Variants in SEPTIN11 observed in about 807,000 individuals in gnomAD.
SEPTIN11 encodes septin 11, also known as septin-11.
Under a neutral mutation model 51.4 loss-of-function variants are expected in SEPTIN11, and 25 were observed. That is an observed-to-expected ratio of 0.49 (90% CI 0.35 to 0.68). SEPTIN11 has a LOEUF of 0.68. Among genes scored for constraint, SEPTIN11 ranks in the 30% least tolerant of loss-of-function variants. The probability of loss-of-function intolerance (pLI) is 0.00; values close to 1 mark genes in which losing one functional copy is unlikely to be tolerated. For synonymous variants in SEPTIN11, 174 were observed against 184.1 expected (o/e 0.95, Z 0.44); for missense variants, 381 against 520.8 (o/e 0.73, Z 2.61).
chr4:76,976,489 A>G (rs999636746), intron 1 of SEPTIN11, among the ~76,000 whole-genome samples: 3 of 152,150 alleles, frequency 2.0e-5, no homozygotes, highest in Admixed American at 6.5e-5. Context: ...TAAGCCTTCT[A>G]TGTCACATTG....
At chr4:76,960,807 C>T (rs927372515) in intron 1 of SEPTIN11, among the ~76,000 whole-genome samples, 4 of 152,204 alleles carry the variant, frequency 2.6e-5, no homozygotes, top group African/African-American at 7.2e-5. Flanking sequence ...TCTACTCCCC[C>T]ACCAAACCAA....
At chr4:76,965,580 A>G (rs1722005412) in intron 1 of SEPTIN11, among the ~76,000 whole-genome samples, 1 of 151,000 alleles carries the variant, frequency 6.6e-6, no homozygotes, top group Non-Finnish European at 1.5e-5. Context: ...TTATTATAGG[A>G]AATACTTATT....
At chr4:76,985,405 T>C (rs1439408076) in intron 1 of SEPTIN11, among the ~76,000 whole-genome samples, 1 of 152,170 alleles carries the variant, frequency 6.6e-6, no homozygotes, top group African/African-American at 2.4e-5. Flanking sequence ...CTATCTGGGG[T>C]TGTAAGCAGC....
At position 76,949,857 on chromosome 4, in the gene SEPTIN11, T is replaced by A; in HGVS notation, c.-47T>A. 6.6e-7 allele frequency: 1 copy of A among 1,507,908 alleles called. No homozygotes were observed. The highest frequency in any genetic ancestry group is 8.8e-7 in the Non-Finnish European group (1 of 1,132,160). The allele number at this position is 1,507,908 out of a possible 1,614,324, so 93.4% of individuals were successfully genotyped here. ...GCCCGAGCACTAGCAGCAGCCGGAG[T>A]CGGCGTAAAGCACCCGGGCGCAGCC... On this transcript the variant is annotated 5_prime_UTR_variant, in exon 1 of 10. Transcript: ENST00000264893.
At chr4:76,966,827 G>A (rs912929520) in intron 1 of SEPTIN11, among the ~76,000 whole-genome samples, 1 of 152,102 alleles carries the variant, frequency 6.6e-6, no homozygotes, top group Admixed American at 6.5e-5. Context: ...TTGTGCCACT[G>A]TACTCCAGCC....
In SEPTIN11 at chr4:77,014,994, G is replaced by T. The variant is rs1308026525; in HGVS notation, c.664G>T (p.Ala222Ser). The T allele has an allele frequency of 2.5e-6, 4 of 1,613,634 alleles. No individual in the cohort carries two copies. The Admixed American group carries it at 5.0e-5, about 20-fold the overall frequency. Residue 222 changes from alanine to serine, a missense_variant, in exon 5 of 10, where the codon GCA becomes TCA. Transcript: ENST00000264893. ...YQFPTDEETVAEINATMSVHL... is the reference protein window; with the variant it reads ...YQFPTDEETVSEINATMSVHL... Reference sequence around the variant, plus strand: ...GTTTCCCACTGATGAAGAAACGGTGGCAGAGATTAACGCAACAATGAGTGT... The same window carrying T: ...GTTTCCCACTGATGAAGAAACGGTGTCAGAGATTAACGCAACAATGAGTGT...
intron 1 of SEPTIN11, among the ~76,000 whole-genome samples, chr4:76,993,024 C>T (rs1442333578): frequency 1.3e-5 from 2 of 149,314 alleles, no homozygotes; most frequent in Non-Finnish European, 3.0e-5. Context: ...CCTTGAGTAC[C>T]GAGATCCCCT....
chr4:76,996,609 A>G (rs1723735637), intron 2 of SEPTIN11, 70 bp downstream of exon 2: 1 of 1,094,756 alleles, frequency 9.1e-7, no homozygotes, highest in East Asian at 2.4e-5. Context: ...TCGGAGAGAC[A>G]TGCTTCAGTG....
intron 1 of SEPTIN11, among the ~76,000 whole-genome samples, chr4:76,965,977 A>G (rs1354327957): frequency 1.3e-5 from 2 of 151,722 alleles, no homozygotes; most frequent in Non-Finnish European, 2.9e-5. Flanking sequence ...CAACTTTCTG[A>G]TGGACAACTG....
chr4:76,999,397 TTTAAC>T (rs1381228253), intron 2 of SEPTIN11, among the ~76,000 whole-genome samples: 8 of 152,244 alleles, frequency 5.3e-5, no homozygotes, highest in Admixed American at 5.2e-4. Flanking sequence ...AGGTGTTATA[TTTAAC>T]TTAACAGCAT....
intron 1 of SEPTIN11, chr4:76,974,629 C>T (rs1467483608): frequency 5.0e-6 from 2 of 399,898 alleles, no homozygotes; most frequent in African/African-American, 4.1e-5. Context: ...ACAGATTCTT[C>T]AGTCGTTTCA....
intron 7 of SEPTIN11, among the ~76,000 whole-genome samples, chr4:77,027,200 G>A (rs535573666): frequency 6.6e-6 from 1 of 152,206 alleles, no homozygotes; most frequent in South Asian, 2.1e-4. Context: ...CAATGGCATG[G>A]TCTCAGCTCA....
intron 5 of SEPTIN11, among the ~76,000 whole-genome samples, chr4:77,017,825 C>T (rs951870063): frequency 3.3e-5 from 5 of 152,220 alleles, no homozygotes; most frequent in African/African-American, 1.2e-4. Context: ...CTCCCTCACT[C>T]AGAATGCAGT....
chr4:77,012,006 G>A (rs1314011410), intron 4 of SEPTIN11, 85 bp downstream of exon 4: 2 of 1,239,216 alleles, frequency 1.6e-6, no homozygotes, highest in Non-Finnish European at 2.2e-6. Flanking sequence ...TGCTTTCAGT[G>A]TGATTTTTTT....
At chr4:77,028,464 C>A (rs938324759) in intron 7 of SEPTIN11, among the ~76,000 whole-genome samples, 165 bp from the exon 8 acceptor site, 1 of 152,184 alleles carries the variant, frequency 6.6e-6, no homozygotes, top group African/African-American at 2.4e-5. Context: ...GTCTTTCCAA[C>A]CACAGCATAA....
intron 1 of SEPTIN11, among the ~76,000 whole-genome samples, chr4:76,958,579 T>C (rs1721663928): frequency 6.6e-6 from 1 of 152,220 alleles, no homozygotes; most frequent in Admixed American, 6.5e-5. Context: ...GGGGCTCGTC[T>C]TTTCCTTATA....
At chr4:76,963,452 A>T (rs1279343730) in intron 1 of SEPTIN11, among the ~76,000 whole-genome samples, 1 of 152,204 alleles carries the variant, frequency 6.6e-6, no homozygotes, top group Admixed American at 6.5e-5. Flanking sequence ...GTAAACAGTG[A>T]TGATCTTAAG....
At chr4:76,963,526 A>G (rs1721905170) in intron 1 of SEPTIN11, among the ~76,000 whole-genome samples, 1 of 152,262 alleles carries the variant, frequency 6.6e-6, no homozygotes, top group Non-Finnish European at 1.5e-5. Context: ...CCTAGGCTGC[A>G]GAACACTGTT....
intron 7 of SEPTIN11, among the ~76,000 whole-genome samples, chr4:77,026,403 A>C (rs6842845): frequency 0.014 from 2,095 of 152,346 alleles, 42 homozygotes; most frequent in African/African-American, 0.045. Flanking sequence ...CCTGGGAAGC[A>C]TTTAAAACTA....
Sources: gnomAD v4.1 joint callset for allele counts (sites outside exome capture counted in the v4.1 genomes callset) on GRCh38, gnomAD v4.1.1 for gene constraint, MANE v1.5 for transcripts, NCBI Gene and HGNC (gene_info 2026-07-23, HGNC 2026-07-21) for gene names.